PAMR1: variants seen among roughly 807,000 people sequenced by gnomAD.
PAMR1 encodes inactive serine protease PAMR1.
Under a neutral mutation model 81.8 loss-of-function variants are expected in PAMR1, and 88 were observed. The observed-to-expected ratio is 1.08, with a 90% CI of 0.91 to 1.28. PAMR1 has a LOEUF of 1.28. Among genes scored for constraint, PAMR1 ranks in the 50% most tolerant of loss-of-function variants. The probability of loss-of-function intolerance (pLI) is 0.00; values close to 1 mark genes in which losing one functional copy is unlikely to be tolerated. For synonymous variants in PAMR1, 336 were observed against 345.3 expected, an observed-to-expected ratio of 0.97 and a Z score of 0.30; for missense variants, 935 against 919.7, an observed-to-expected ratio of 1.02 and a Z score of -0.21.
In PAMR1 at chr11:35,500,603, G is replaced by A. The variant is rs562322648; in HGVS notation, c.74-6331C>T. ...TAGCACCAAATCTACCGACCTCGTC[G>A]GGTTAGGGAGGTTTAAATAAAATTA... On this transcript the variant is annotated intron_variant, in intron 1 of 10. Coordinates refer to ENST00000619888, the MANE Select transcript of PAMR1 (RefSeq NM_001001991.3). 3.3e-5 allele frequency among the ~76,000 whole-genome samples: 5 copies of A among 152,288 alleles called. No individual in the cohort carries two copies. In the South Asian group the frequency reaches 6.2e-4, roughly 19 times the overall value.
intron 1 of PAMR1, among the ~76,000 whole-genome samples, chr11:35,500,066 A>T (rs1850802538): frequency 6.6e-6 from 1 of 152,216 alleles, no homozygotes; most frequent in Non-Finnish European, 1.5e-5. Flanking sequence ...AAAGGCAAAT[A>T]AACAGCTTCT....
chr11:35,432,626 C>T lies in PAMR1; in HGVS notation c.1893G>A (p.Glu631=), dbSNP rs750109884. Residue 631 remains glutamate, a synonymous_variant, in exon 11 of 11, where the codon GAG becomes GAA. Transcript: ENST00000619888. ...VVSVVDSLLC[E]EQHEDHGIPV... is the part of the protein sequence containing the mutation. ...GGATGCCATGGTCCTCATGCTGCTC[C>T]TCACACAGCAGCGAGTCCACCACAC... is the stretch of plus-strand genomic sequence containing the variant. The T allele has an allele frequency of 2.5e-6, 4 of 1,613,952 alleles. No homozygotes were observed. The East Asian group carries it at 6.7e-5, about 27-fold the overall frequency.
chr11:35,527,108 C>A (rs1488027393), upstream of PAMR1, among the ~76,000 whole-genome samples: 1 of 152,108 alleles, frequency 6.6e-6, no homozygotes, highest in African/African-American at 2.4e-5. Context: ...GACACAGGTG[C>A]TCTACTAGAA....
rs373268902 is a variant in PAMR1 at position 35,468,036 on chromosome 11, C to T, written c.785G>A (p.Cys262Tyr). ...LDKAGSYKCA[C>Y]LAGYTGQRCE... ...GCGCTGCCCAGTATAGCCTGCCAAG[C>T]AGGCACACTTGTAAGATCCAGCCTT... Residue 262 changes from cysteine to tyrosine, a missense_variant, in exon 6 of 11, where the codon TGC (cysteine) becomes TAC (tyrosine). Transcript: ENST00000619888. The T allele has an allele frequency of 3.5e-5, 54 of 1,562,644 alleles. No homozygotes were observed. The highest frequency in any genetic ancestry group is 4.6e-5 in the Non-Finnish European group (53 of 1,151,780).
intron 1 of PAMR1, among the ~76,000 whole-genome samples, chr11:35,507,039 C>CCTTTTTTT (rs1433957199): frequency 1.2e-5 from 1 of 86,862 alleles, no homozygotes; most frequent in Non-Finnish European, 2.3e-5. Context: ...AATAGCCTGA[C>CCTTTTTTT]TTTTTTTTTT....
rs141936337 is a variant in PAMR1, at chr11:35,442,609, T to A, written c.821-916A>T. On this transcript the variant is annotated intron_variant, in intron 6 of 10. Transcript: ENST00000619888. ...TTTTTCTTTTTTTTTCTTTTTCTTT[T>A]TTTATTTATTTATTTATTTTGAGAC... is the stretch of plus-strand genomic sequence containing the variant. Among the ~76,000 whole-genome samples, 1,322 of 152,058 alleles carry A rather than the reference T, an allele frequency of 8.7e-3. 23 individuals carry two copies. Among genetic ancestry groups the A allele is most frequent in the African/African-American group, 0.03 (1,226 of 41,470 alleles).
intron 6 of PAMR1, among the ~76,000 whole-genome samples, chr11:35,462,588 C>T (rs1280518072): frequency 1.3e-5 from 2 of 152,150 alleles, no homozygotes; most frequent in Non-Finnish European, 2.9e-5. Context: ...GTCCCTTATC[C>T]AGGGAATCCC....
At chr11:35,465,932 G>A (rs1246130651) in intron 6 of PAMR1, among the ~76,000 whole-genome samples, 1 of 152,144 alleles carries the variant, frequency 6.6e-6, no homozygotes, top group Non-Finnish European at 1.5e-5. Flanking sequence ...ACAATGCTGA[G>A]GAATCTGTTT....
intron 6 of PAMR1, among the ~76,000 whole-genome samples, chr11:35,448,041 G>A (rs1856334255): frequency 6.6e-6 from 1 of 152,144 alleles, no homozygotes; most frequent in Non-Finnish European, 1.5e-5. Flanking sequence ...CCCTTTGTAG[G>A]TGACCTTGCC....
At chr11:35,519,626 G>A (rs536958178) in intron 1 of PAMR1, among the ~76,000 whole-genome samples, 53 of 152,224 alleles carry the variant, frequency 3.5e-4, no homozygotes, top group Non-Finnish European at 4.4e-4. Flanking sequence ...TTTCCTCTAG[G>A]GAATGGCTCC....
upstream of PAMR1, among the ~76,000 whole-genome samples, chr11:35,528,144 C>T (rs529236401): frequency 3.5e-4 from 53 of 152,196 alleles, no homozygotes; most frequent in African/African-American, 1.2e-3. Flanking sequence ...CAAATATGCC[C>T]CTTTGGCATA....
upstream of PAMR1, among the ~76,000 whole-genome samples, chr11:35,527,829 C>T (rs1452505939): frequency 6.6e-6 from 1 of 152,154 alleles, no homozygotes; most frequent in Non-Finnish European, 1.5e-5. Context: ...GGTGACTTCT[C>T]TTCCCAAGAC....
At chr11:35,514,438 C>G (rs1012139795) in intron 1 of PAMR1, among the ~76,000 whole-genome samples, 1 of 152,144 alleles carries the variant, frequency 6.6e-6, no homozygotes, top group Admixed American at 6.5e-5. Context: ...TTTCTCTAAT[C>G]CCTCTTCCAT....
chr11:35,505,968 T>G (rs535717047), intron 1 of PAMR1, among the ~76,000 whole-genome samples: 20 of 152,148 alleles, frequency 1.3e-4, no homozygotes, highest in Non-Finnish European at 2.8e-4. Flanking sequence ...TTAAGGGTTA[T>G]TCTCGGGTAG....
chr11:35,441,449 G>A (rs1042761343), intron 7 of PAMR1, 32 bp downstream of exon 7: 19 of 1,519,900 alleles, frequency 1.3e-5, no homozygotes, highest in Non-Finnish European at 1.5e-5. Context: ...CTTCATCAAT[G>A]TCCGTAGACT....
intron 6 of PAMR1, among the ~76,000 whole-genome samples, chr11:35,445,657 C>A (rs1856275625): frequency 6.6e-6 from 1 of 152,166 alleles, no homozygotes; most frequent in African/African-American, 2.4e-5. Flanking sequence ...GATGTTGAAC[C>A]AGCCTTGCAT....
intron 6 of PAMR1, among the ~76,000 whole-genome samples, chr11:35,452,365 G>A (rs527387915): frequency 4.6e-5 from 7 of 152,118 alleles, no homozygotes; most frequent in Admixed American, 2.6e-4. Flanking sequence ...GGGACATAGG[G>A]GATAGAGTGA....
At chr11:35,489,719 T>C (rs1850582144) in intron 3 of PAMR1, among the ~76,000 whole-genome samples, 1 of 152,060 alleles carries the variant, frequency 6.6e-6, no homozygotes, top group South Asian at 2.1e-4. Context: ...ATACTATCCC[T>C]CTCCCTGAAA....
At chr11:35,477,153 TC>T (rs1351139898) in intron 3 of PAMR1, among the ~76,000 whole-genome samples, 1 of 152,178 alleles carries the variant, frequency 6.6e-6, no homozygotes, top group Non-Finnish European at 1.5e-5. Flanking sequence ...TTTGTTTCCT[TC>T]ATAATACACA....
Sources: allele counts gnomAD v4.1 joint callset (sites outside exome capture counted in the v4.1 genomes callset), GRCh38; gene constraint gnomAD v4.1.1; transcripts MANE v1.5; gene names NCBI Gene and HGNC (gene_info 2026-07-23, HGNC 2026-07-21).